Variants in RAB38 observed in about 807,000 individuals in gnomAD.
RAB38 encodes RAB38, member RAS oncogene family, also known as ras-related protein Rab-38.
Under a neutral mutation model 18.4 loss-of-function variants are expected in RAB38, and 15 were observed. The ratio of observed to expected loss-of-function variants is 0.82; its 90% CI spans 0.55 to 1.26. RAB38 has a LOEUF of 1.26. Ranked by LOEUF, RAB38 falls within the 50% of genes most tolerant of loss-of-function variation. The pLI is 0.00. For synonymous variants in RAB38, 101 were observed against 104.4 expected (o/e 0.97, Z 0.20); for missense variants, 294 against 267.4 (o/e 1.10, Z -0.69).
At chr11:87,858,192 C>T in the RAB38 span, among the ~76,000 whole-genome samples, 4 of 152,136 alleles carry the variant, frequency 2.6e-5, no homozygotes, top group African/African-American at 9.7e-5. Flanking sequence ...CATATTATTT[C>T]TGAGGGTCCT....
the RAB38 span, among the ~76,000 whole-genome samples, chr11:88,057,988 G>A: frequency 2.6e-5 from 4 of 152,086 alleles, no homozygotes; most frequent in Admixed American, 1.3e-4. Context: ...TACCCGCAGC[G>A]CAAGTTCCTA....
chr11:88,034,286 T>A, the RAB38 span, among the ~76,000 whole-genome samples: 2 of 152,246 alleles, frequency 1.3e-5, no homozygotes, highest in African/African-American at 2.4e-5. Flanking sequence ...TTTACAGTTT[T>A]GGGTTATTAC....
the RAB38 span, among the ~76,000 whole-genome samples, chr11:87,897,734 G>A: frequency 1.3e-5 from 2 of 151,612 alleles, no homozygotes; most frequent in Non-Finnish European, 3.0e-5. Flanking sequence ...ACCATTACAG[G>A]ATAAATGAGA....
the RAB38 span, among the ~76,000 whole-genome samples, chr11:87,843,623 C>A: frequency 6.6e-6 from 1 of 152,196 alleles, no homozygotes; most frequent in African/African-American, 2.4e-5. Flanking sequence ...CCATAGCTTA[C>A]TTATGAGATA....
At chr11:87,870,236 G>A in the RAB38 span, among the ~76,000 whole-genome samples, 8 of 151,506 alleles carry the variant, frequency 5.3e-5, no homozygotes, top group African/African-American at 1.7e-4. Flanking sequence ...TTGTGGGGCT[G>A]TTTACTGTAC....
At chr11:88,142,849 C>T (rs371289205) in intron 2 of RAB38, among the ~76,000 whole-genome samples, 30 of 152,310 alleles carry the variant, frequency 2.0e-4, no homozygotes, top group Admixed American at 6.5e-4. Flanking sequence ...AAAGGCCTTT[C>T]CCTTATCCAA....
At chr11:87,965,754 C>G in the RAB38 span, among the ~76,000 whole-genome samples, 1 of 152,086 alleles carries the variant, frequency 6.6e-6, no homozygotes, top group African/African-American at 2.4e-5. Flanking sequence ...AACAATGAAG[C>G]CAGTTTTTAT....
chr11:87,825,607 A>AAATAAT, the RAB38 span, among the ~76,000 whole-genome samples: 1 of 152,074 alleles, frequency 6.6e-6, no homozygotes, highest in East Asian at 1.9e-4. Flanking sequence ...TGCTATCTCA[A>AAATAAT]AATAATGTCA....
At chr11:87,878,251 CA>C in the RAB38 span, among the ~76,000 whole-genome samples, 2,115 of 103,408 alleles carry the variant, frequency 0.02, 184 homozygotes, top group East Asian at 0.067. Context: ...ACACACCTAT[CA>C]TCTATCTATC....
the RAB38 span, among the ~76,000 whole-genome samples, chr11:87,922,310 T>C: frequency 1.3e-5 from 2 of 152,046 alleles, no homozygotes; most frequent in Non-Finnish European, 2.9e-5. Context: ...CTATTATTTC[T>C]GGACCATCTT....
At chr11:87,951,481 A>G in the RAB38 span, among the ~76,000 whole-genome samples, 140 of 148,248 alleles carry the variant, frequency 9.4e-4, 1 homozygote, top group African/African-American at 3.3e-3. Flanking sequence ...TGCTTTTTAG[A>G]GTTTCTGGTT....
the RAB38 span, among the ~76,000 whole-genome samples, chr11:87,903,691 C>T: frequency 2.6e-5 from 4 of 150,950 alleles, no homozygotes; most frequent in East Asian, 1.9e-4. Context: ...TGGGCCTATA[C>T]GTTTCTTGGT....
rs768288632 is a variant in RAB38, at chr11:88,175,357, A to G, written c.28T>C (p.Tyr10His). ...AGGTCGCCAATCACCAGCAACTTGTACAGGTGCTCCTTGTGCGGGGCCTGC... is the reference window on the plus strand; with the variant it reads ...AGGTCGCCAATCACCAGCAACTTGTGCAGGTGCTCCTTGTGCGGGGCCTGC... MQAPHKEHL[Y>H]KLLVIGDLGV... Residue 10 changes from tyrosine to histidine, a missense_variant, in exon 1 of 3, where the codon TAC (tyrosine) becomes CAC (histidine). Transcript: ENST00000243662. 3.7e-6 allele frequency: 6 copies of G among 1,614,176 alleles called. No individual in the cohort carries two copies. Among genetic ancestry groups the G allele is most frequent in the South Asian group, 3.3e-5 (3 of 91,082 alleles).
At chr11:87,976,915 ATAT>A in the RAB38 span, among the ~76,000 whole-genome samples, 6 of 544 alleles carry the variant, frequency 0.011, no homozygotes, top group African/African-American at 0.014. Context: ...AATGTATTAT[ATAT>A]TATAATTACA....
chr11:88,084,970 C>T, the RAB38 span, among the ~76,000 whole-genome samples: 2 of 151,858 alleles, frequency 1.3e-5, no homozygotes, highest in African/African-American at 4.8e-5. Flanking sequence ...ATTAATTATT[C>T]TGGGCCTGAT....
At chr11:87,972,485 G>A in the RAB38 span, among the ~76,000 whole-genome samples, 1 of 151,268 alleles carries the variant, frequency 6.6e-6, no homozygotes, top group Non-Finnish European at 1.5e-5. Context: ...AACAGAGATA[G>A]AAAACATATG....
the RAB38 span, among the ~76,000 whole-genome samples, chr11:87,937,346 A>ATC: frequency 1.5e-5 from 2 of 130,394 alleles, no homozygotes; most frequent in Non-Finnish European, 3.3e-5. Context: ...ATATATATAT[A>ATC]TATATCATAA....
chr11:88,159,407 C>T (rs1274846445), intron 1 of RAB38, among the ~76,000 whole-genome samples: 1 of 150,208 alleles, frequency 6.7e-6, no homozygotes, highest in Non-Finnish European at 1.5e-5. Context: ...GGCCACACTG[C>T]CCCCCAAAAA....
chr11:88,054,365 A>C, the RAB38 span, among the ~76,000 whole-genome samples: 48 of 152,218 alleles, frequency 3.2e-4, no homozygotes, highest in Non-Finnish European at 1.2e-4. Flanking sequence ...TAAGATGGAA[A>C]AATAAAACAT....
Sources: allele counts gnomAD v4.1 joint callset (sites outside exome capture counted in the v4.1 genomes callset), GRCh38; gene constraint gnomAD v4.1.1; transcripts MANE v1.5; gene names NCBI Gene and HGNC (gene_info 2026-07-23, HGNC 2026-07-21).